Variants in SND1 observed in about 807,000 individuals in gnomAD.
SND1 encodes staphylococcal nuclease and tudor domain containing 1.
SND1 carries 38 observed loss-of-function variants against 121.7 expected under a neutral mutation model. That is an observed-to-expected ratio of 0.31 (90% CI 0.24 to 0.41). The LOEUF (loss-of-function observed/expected upper bound fraction) is 0.41, where lower values mean the gene tolerates loss of function less well. SND1 is among the 10% of genes least tolerant of loss of function. The pLI, the probability that SND1 is intolerant of heterozygous loss-of-function variation, is 1.00. For missense variants in SND1, 868 were observed against 1,184.6 expected, an observed-to-expected ratio of 0.73 and a Z score of 3.92; for synonymous variants, 401 against 447.4, an observed-to-expected ratio of 0.90 and a Z score of 1.31.
chr7:127,850,947 C>G (rs1471286595), intron 12 of SND1, among the ~76,000 whole-genome samples: 1 of 152,208 alleles, frequency 6.6e-6, no homozygotes, highest in Non-Finnish European at 1.5e-5. Context: ...TTGGCTGTTG[C>G]ACAGGGTTCA....
At chr7:127,718,004 A>T (rs1385387810) in intron 9 of SND1, among the ~76,000 whole-genome samples, 1 of 152,172 alleles carries the variant, frequency 6.6e-6, no homozygotes, top group Non-Finnish European at 1.5e-5. Context: ...GACTCATGGC[A>T]GCCCTTAGCC....
At chr7:128,082,963 G>T (rs956150466) in intron 18 of SND1, among the ~76,000 whole-genome samples, 5 of 152,196 alleles carry the variant, frequency 3.3e-5, no homozygotes, top group African/African-American at 7.2e-5. Context: ...AATGCTGGAA[G>T]AGAAGGGAGT....
chr7:127,966,655 C>T (rs1334558330), intron 15 of SND1, among the ~76,000 whole-genome samples: 3 of 94,874 alleles, frequency 3.2e-5, no homozygotes, highest in Non-Finnish European at 6.2e-5. Context: ...TTGAAACCAA[C>T]GAGAACAAAG....
chr7:127,766,041 G>A (rs1038174450), intron 10 of SND1, among the ~76,000 whole-genome samples: 6 of 152,150 alleles, frequency 3.9e-5, no homozygotes, highest in African/African-American at 1.4e-4. Flanking sequence ...GAGAGGTAGG[G>A]GCTTTGGGAA....
intron 12 of SND1, among the ~76,000 whole-genome samples, chr7:127,873,638 G>C (rs1304154645): frequency 6.6e-6 from 1 of 152,066 alleles, no homozygotes; most frequent in African/African-American, 2.4e-5. Context: ...TTTTTATTTT[G>C]TTTTGTTTTG....
intron 3 of SND1, among the ~76,000 whole-genome samples, chr7:127,698,307 A>T (rs1295620773): frequency 6.6e-6 from 1 of 152,150 alleles, no homozygotes; most frequent in Non-Finnish European, 1.5e-5. Context: ...GCCCTAAATG[A>T]ATCCGTCTCT....
At chr7:128,049,270 C>G (rs2117018163) in intron 16 of SND1, among the ~76,000 whole-genome samples, 1 of 152,260 alleles carries the variant, frequency 6.6e-6, no homozygotes, top group South Asian at 2.1e-4. Flanking sequence ...TCCACTCTGT[C>G]AAGTGCCCCA....
At chr7:128,088,787 G>C (rs969929995) in intron 21 of SND1, among the ~76,000 whole-genome samples, 5 of 151,742 alleles carry the variant, frequency 3.3e-5, no homozygotes, top group Admixed American at 6.6e-5. Flanking sequence ...AAAAGACAGA[G>C]ACACAGGATG....
intron 16 of SND1, among the ~76,000 whole-genome samples, chr7:128,003,134 T>C (rs1563085116): frequency 6.6e-6 from 1 of 151,972 alleles, no homozygotes; most frequent in Admixed American, 6.6e-5. Flanking sequence ...AGGCCAAGAA[T>C]TGGTGGCAGA....
chr7:127,915,014 C>T (rs190756239), intron 14 of SND1, among the ~76,000 whole-genome samples: 4 of 152,000 alleles, frequency 2.6e-5, no homozygotes, highest in South Asian at 2.1e-4. Flanking sequence ...GTTCACATGC[C>T]GGTGTTCATT....
intron 10 of SND1, among the ~76,000 whole-genome samples, chr7:127,773,612 A>G (rs370260465): frequency 4.6e-5 from 7 of 152,250 alleles, no homozygotes; most frequent in South Asian, 4.1e-4. Context: ...TCAGTATGAA[A>G]TGGCCATCGC....
intron 15 of SND1, among the ~76,000 whole-genome samples, chr7:127,936,392 A>G (rs750718314): frequency 4.6e-5 from 7 of 152,080 alleles, no homozygotes; most frequent in African/African-American, 9.7e-5. Context: ...GTTTCCTTCC[A>G]TGAGAGCAAA....
intron 10 of SND1, among the ~76,000 whole-genome samples, chr7:127,768,915 A>G (rs1298688591): frequency 6.6e-6 from 1 of 152,228 alleles, no homozygotes; most frequent in Non-Finnish European, 1.5e-5. Flanking sequence ...GGGAGGGGAC[A>G]GGGCTGGATG....
At chr7:127,676,672 G>C (rs1361683540) in intron 1 of SND1, among the ~76,000 whole-genome samples, 1 of 152,212 alleles carries the variant, frequency 6.6e-6, no homozygotes, top group Admixed American at 6.5e-5. Flanking sequence ...GGGAATTAGA[G>C]ATTACAGGTT....
chr7:127,786,635 G>C (rs1246317435), intron 10 of SND1, among the ~76,000 whole-genome samples: 1 of 151,264 alleles, frequency 6.6e-6, no homozygotes, highest in Non-Finnish European at 1.5e-5. Context: ...GTTTTGTTTT[G>C]TTTGTTTGTT....
At chr7:127,790,114 T>C (rs1319215079) in intron 10 of SND1, among the ~76,000 whole-genome samples, 1 of 152,202 alleles carries the variant, frequency 6.6e-6, no homozygotes, top group Non-Finnish European at 1.5e-5. Flanking sequence ...ATTCTGTAGC[T>C]AGGTGGCATG....
intron 15 of SND1, among the ~76,000 whole-genome samples, chr7:127,987,316 A>G (rs1462103428): frequency 2.0e-5 from 3 of 152,090 alleles, no homozygotes; most frequent in Non-Finnish European, 4.4e-5. Flanking sequence ...TTTAACGTCC[A>G]TTTTATTGCA....
intron 1 of SND1, among the ~76,000 whole-genome samples, chr7:127,657,213 A>G (rs760552282): frequency 4.6e-5 from 7 of 152,226 alleles, no homozygotes; most frequent in Non-Finnish European, 8.8e-5. Flanking sequence ...TCAAATTTCT[A>G]TCCTTATGGC....
intron 10 of SND1, among the ~76,000 whole-genome samples, chr7:127,774,297 C>T (rs192879162): frequency 9.9e-5 from 15 of 152,144 alleles, no homozygotes; most frequent in Admixed American, 8.5e-4. Context: ...AAACAAAAAA[C>T]TTTAAGACAA....
Sources: allele counts gnomAD v4.1 joint callset (sites outside exome capture counted in the v4.1 genomes callset), GRCh38; gene constraint gnomAD v4.1.1; transcripts MANE v1.5; gene names NCBI Gene and HGNC (gene_info 2026-07-23, HGNC 2026-07-21).